The following LRP4 variants were observed in gnomAD, a reference collection of about 807,000 sequenced individuals.
LRP4 encodes LDL receptor related protein 4, also known as low-density lipoprotein receptor-related protein 4.
LRP4 carries 95 observed loss-of-function variants against 220.3 expected under a neutral mutation model. The observed-to-expected ratio is 0.43, with a 90% confidence interval of 0.37 to 0.51. The LOEUF is 0.51. LRP4 is among the 20% of genes least tolerant of loss of function. The pLI is 0.00. For missense variants in LRP4, 1,925 were observed against 2,567.0 expected (o/e 0.75, Z 5.40); for synonymous variants, 903 against 954.6 (o/e 0.95, Z 1.00).
intron 22 of LRP4, among the ~76,000 whole-genome samples, chr11:46,878,421 G>A (rs535370300): frequency 5.7e-4 from 86 of 151,246 alleles, no homozygotes; most frequent in Admixed American, 1.8e-3. Flanking sequence ...CTGGGATTAC[G>A]CGCCACCATG....
intron 1 of LRP4, among the ~76,000 whole-genome samples, chr11:46,908,505 G>A (rs1941798978): frequency 1.3e-5 from 2 of 152,176 alleles, no homozygotes; most frequent in African/African-American, 4.8e-5. Context: ...AAGGGTTGAG[G>A]CCAGCATTCA....
chr11:46,873,359 C>T lies in LRP4; in HGVS notation c.4448+16G>A. 1 of 1,613,754 alleles carries T rather than the reference C, an allele frequency of 6.2e-7. No individual in the cohort carries two copies. Among genetic ancestry groups the T allele is most frequent in the Non-Finnish European group, 8.5e-7 (1 of 1,179,730 alleles). The stretch of plus-strand genomic sequence containing the variant: ...CCTTCTTCCCTGGATCTCTCTTCTG[C>T]TGGCCATAAACTTACCCCTTCCTGG... On this transcript the variant is annotated intron_variant, in intron 29 of 37. Coordinates refer to ENST00000378623, the MANE Select transcript of LRP4 (RefSeq NM_002334.4). This position sits in a 1 kb window ranked among gnomAD's most constrained non-coding sequence, Gnocchi z 4.2.
chr11:46,873,685 A>T lies in LRP4; in HGVS notation c.4230-92T>A. Reference sequence around the variant, plus strand: ...TGTTCCCATAACTGGACCCCACTGAACTGTAAGCTCCACAGGGATAGAGAC... The same window carrying T: ...TGTTCCCATAACTGGACCCCACTGATCTGTAAGCTCCACAGGGATAGAGAC... On this transcript the variant is annotated intron_variant, in intron 28 of 37. Transcript: ENST00000378623. The surrounding 1 kb of genome is among the most constrained non-coding windows in gnomAD (Gnocchi z 4.2). 1.0e-6 allele frequency: 1 copy of T among 998,630 alleles called. No homozygotes were observed. Among genetic ancestry groups the T allele is most frequent in the South Asian group, 1.5e-5 (1 of 67,362 alleles). The allele number at this position is 998,630 out of a possible 1,614,324, so 61.9% of individuals were successfully genotyped here.
At chr11:46,864,632 G>C (rs1342088969) in intron 35 of LRP4, 97 bp from the exon 36 acceptor site, 2 of 833,782 alleles carry the variant, frequency 2.4e-6, no homozygotes, top group Non-Finnish European at 4.1e-6. Context: ...TTTTGTAGGT[G>C]TTGGACCCCA....
intron 1 of LRP4, among the ~76,000 whole-genome samples, chr11:46,917,191 A>T (rs966583335): frequency 2.0e-5 from 3 of 152,214 alleles, no homozygotes; most frequent in Non-Finnish European, 2.9e-5. Flanking sequence ...TTTCCACACG[A>T]GCTGTCCTAC....
At chr11:46,877,622 C>T (rs1373269582) in intron 22 of LRP4, among the ~76,000 whole-genome samples, 1 of 152,034 alleles carries the variant, frequency 6.6e-6, no homozygotes, top group Non-Finnish European at 1.5e-5. Flanking sequence ...CACACACCAC[C>T]ATGCCCAGCT....
Position 46,899,049 on chromosome 11 carries a change from G to A in LRP4, c.548-17C>T, listed in dbSNP as rs758097237. 1.2e-6 allele frequency: 2 copies of A among 1,607,622 alleles called. No homozygotes were observed. The highest frequency in any genetic ancestry group is 4.5e-5 in the East Asian group (2 of 44,784). ...CTGCTGAGGCTGGAGGGAAGGCAGG[G>A]GTGGGGAGGGGCACACACTCAGGCC... On this transcript the variant is annotated splice_polypyrimidine_tract_variant and intron_variant, in intron 5 of 37. Transcript: ENST00000378623. The surrounding 1 kb of genome is among the most constrained non-coding windows in gnomAD (Gnocchi z 5.9).
chr11:46,861,072 G>T (rs1393517219), intron 37 of LRP4: 2 of 410,012 alleles, frequency 4.9e-6, no homozygotes, highest in East Asian at 1.6e-4. Context: ...GTTCTTTTCT[G>T]GAGCATCAGA....
In LRP4 at chr11:46,890,473, C is replaced by T; in HGVS notation, c.1719G>A (p.Trp573Ter). The T allele has an allele frequency of 6.2e-7, 1 of 1,613,678 alleles. No individual in the cohort carries two copies. Among genetic ancestry groups the T allele is most frequent in the Non-Finnish European group, 8.5e-7 (1 of 1,179,742 alleles). ...PMEGTIYWTD[W>*]GNTPRIEASS... ...AGGCCTCAATACGGGGGGTGTTGCC[C>T]CAGTCTGTCCAGTAAATGGTACTAG... Residue 573 changes from tryptophan to a stop codon, truncating the protein, a stop_gained, in exon 14 of 38, where the codon TGG (tryptophan) becomes TGA (stop). Coordinates refer to ENST00000378623, the MANE Select transcript of LRP4 (RefSeq NM_002334.4). LOFTEE classifies it high-confidence loss of function. The surrounding 1 kb of genome is among the most constrained non-coding windows in gnomAD (Gnocchi z 5.3).
At chr11:46,877,478 T>C (rs1333441182) in intron 22 of LRP4, 139 bp from the exon 23 acceptor site, 2 of 956,550 alleles carry the variant, frequency 2.1e-6, no homozygotes, top group Non-Finnish European at 3.2e-6. Context: ...AAATTATTAT[T>C]ATTTTTTGAG....
chr11:46,866,138 GAAA>G (rs1208907934), intron 34 of LRP4, among the ~76,000 whole-genome samples: 1 of 127,572 alleles, frequency 7.8e-6, no homozygotes. Context: ...TGTTGCAGTG[GAAA>G]AAAAAAAAAA....
chr11:46,882,723 G>T (rs1358367562), intron 19 of LRP4, among the ~76,000 whole-genome samples: 1 of 152,006 alleles, frequency 6.6e-6, no homozygotes, highest in Non-Finnish European at 1.5e-5. Context: ...AGGCATTGTG[G>T]TCTGTGCCTG....
intron 25 of LRP4, 126 bp downstream of exon 25, chr11:46,876,340 A>C: frequency 6.7e-6 from 7 of 1,052,342 alleles, no homozygotes; most frequent in South Asian, 1.3e-5. Context: ...AGAGAGTGGA[A>C]GAGCCCCAGG....
intron 7 of LRP4, among the ~76,000 whole-genome samples, chr11:46,897,511 G>A (rs1265238110): frequency 2.0e-5 from 3 of 150,404 alleles, no homozygotes; most frequent in Non-Finnish European, 4.4e-5. Flanking sequence ...CTAGGCAGAG[G>A]ACCCTGCGGC....
rs760515633 is a variant in LRP4 at position 46,859,260 on chromosome 11, C to G, written c.5441G>C (p.Cys1814Ser). 14 of 1,614,020 alleles carry G rather than the reference C, an allele frequency of 8.7e-6. No homozygotes were observed. Among genetic ancestry groups the G allele is most frequent in the Non-Finnish European group, 3.4e-6 (4 of 1,180,044 alleles). The change falls in exon 38 of 38, where the codon TGC becomes TCC. Residue 1814 changes from cysteine (C) to serine (S), a missense_variant. Transcript: ENST00000378623. ...CTCAGCATCATCCCCAGACAGGAGG[C>G]AGATTCCCTCTACGATCTTGATCTT... ...KEKIKIVEGI[C>S]LLSGDDAEWD...
At chr11:46,871,414 G>C in intron 31 of LRP4, 111 bp downstream of exon 31, 1 of 816,314 alleles carries the variant, frequency 1.2e-6, no homozygotes, top group South Asian at 1.4e-5. Context: ...CCTAAAATGA[G>C]CTGCAATAGC....
At chr11:46,911,024 G>C (rs1246678945) in intron 1 of LRP4, among the ~76,000 whole-genome samples, 2 of 152,144 alleles carry the variant, frequency 1.3e-5, no homozygotes, top group Non-Finnish European at 2.9e-5. Context: ...CCAAGGACAG[G>C]AGAGAGAATC....
chr11:46,884,013 G>C (rs1053976478), intron 18 of LRP4, 37 bp from the exon 19 acceptor site: 6 of 1,528,194 alleles, frequency 3.9e-6, no homozygotes, highest in East Asian at 4.5e-5. Context: ...TTCTAGTCTT[G>C]TTCATTCACC....
rs1940411612 is a variant in LRP4 at position 46,857,548 on chromosome 11, CT to C, written c.*1434del. On this transcript the variant is annotated 3_prime_UTR_variant, in exon 38 of 38. Coordinates refer to ENST00000378623, the MANE Select transcript of LRP4 (RefSeq NM_002334.4). ...CTACCTTCCTACTCCTTACCCACCT[CT>C]TTGTATTTTTATTTATTCAGCCCTC... 6.6e-6 allele frequency: 1 copy of C among 151,904 alleles called. No individual in the cohort carries two copies. Among genetic ancestry groups the C allele is most frequent in the Non-Finnish European group, 1.5e-5 (1 of 68,050 alleles). 9.4% of individuals were successfully genotyped at this position (151,904 alleles called of 1,614,324 possible). A position where few individuals can be genotyped will look rare whatever the true frequency, so the allele number is the denominator to read the frequency against.
Sources: gnomAD v4.1 joint callset for allele counts (sites outside exome capture counted in the v4.1 genomes callset) on GRCh38, gnomAD v4.1.1 for gene constraint, Gnocchi (gnomAD v3.1) non-coding constraint, MANE v1.5 for transcripts, NCBI Gene and HGNC (gene_info 2026-07-23, HGNC 2026-07-21) for gene names.